The following SCAF4 variants were observed in gnomAD, a reference collection of about 807,000 sequenced individuals.
The protein encoded by SCAF4 is SR-related and CTD-associated factor 4.
In SCAF4, 25 loss-of-function variants were observed where a neutral mutation model predicts 129.8. The observed-to-expected ratio is 0.19, with a 90% confidence interval of 0.14 to 0.27. SCAF4 has a LOEUF of 0.27. Ranked by LOEUF, SCAF4 falls within the 10% of genes least tolerant of loss-of-function variation. The pLI, the probability that SCAF4 is intolerant of heterozygous loss-of-function variation, is 1.00. For missense variants in SCAF4, 1,246 were observed against 1,457.1 expected (o/e 0.86, Z 2.36); for synonymous variants, 551 against 497.7 (o/e 1.11, Z -1.43).
intron 1 of SCAF4, among the ~76,000 whole-genome samples, chr21:31,714,102 T>C (rs2050869095): frequency 6.6e-6 from 1 of 152,100 alleles, no homozygotes. Flanking sequence ...AGCCATAATG[T>C]CCTCATTTGT....
At chr21:31,681,796 G>A (rs923560073) in intron 19 of SCAF4, among the ~76,000 whole-genome samples, 8 of 152,176 alleles carry the variant, frequency 5.3e-5, no homozygotes, top group Non-Finnish European at 1.0e-4. Flanking sequence ...ACTAACACCC[G>A]CACTTAAGTC....
intron 3 of SCAF4, among the ~76,000 whole-genome samples, 176 bp downstream of exon 3, chr21:31,705,247 T>A (rs775753099): frequency 6.6e-6 from 1 of 152,206 alleles, no homozygotes; most frequent in Non-Finnish European, 1.5e-5. Flanking sequence ...GTAAGTTAAG[T>A]ACCAATTAAT....
chr21:31,691,807 A>G lies in SCAF4; in HGVS notation c.1728+10T>C. ...AAAAAAAAAATTAATTATAACATGT[A>G]AGACTGTACCTTTATGGATTTCTGG... On this transcript the variant is annotated intron_variant, in intron 14 of 19. Transcript: ENST00000286835. 1.3e-6 allele frequency: 2 copies of G among 1,486,112 alleles called. No homozygotes were observed. Among genetic ancestry groups the G allele is most frequent in the South Asian group, 2.4e-5 (2 of 82,158 alleles). The allele number at this position is 1,486,112 out of a possible 1,614,324, so 92.1% of individuals were successfully genotyped here.
In SCAF4 at chr21:31,694,306, C is replaced by G. The variant is rs146535026; in HGVS notation, c.1237-17G>C. On this transcript the variant is annotated splice_polypyrimidine_tract_variant and intron_variant, in intron 10 of 19. Coordinates refer to ENST00000286835, the MANE Select transcript of SCAF4 (RefSeq NM_020706.2). Reference sequence around the variant, plus strand: ...TTCCATTTCCTTAAAAAACAAAAACCATGATAAAATGAGAAATTTAAAAAG... The same window carrying G: ...TTCCATTTCCTTAAAAAACAAAAACGATGATAAAATGAGAAATTTAAAAAG... The G allele has an allele frequency of 1.1e-5, 17 of 1,486,846 alleles. No homozygotes were observed. In the African/African-American group the frequency reaches 1.5e-4, roughly 13 times the overall value. The allele number at this position is 1,486,846 out of a possible 1,614,324, so 92.1% of individuals were successfully genotyped here.
chr21:31,690,067 A>G (rs781246458), intron 15 of SCAF4, among the ~76,000 whole-genome samples: 8 of 152,160 alleles, frequency 5.3e-5, no homozygotes, highest in Non-Finnish European at 7.3e-5. Context: ...CTCACTGTCA[A>G]TCTGGCATTT....
At chr21:31,721,442 T>G (rs989522987) in intron 1 of SCAF4, among the ~76,000 whole-genome samples, 1 of 152,216 alleles carries the variant, frequency 6.6e-6, no homozygotes, top group Non-Finnish European at 1.5e-5. Flanking sequence ...AGGTTTCCTT[T>G]AAGCAGGGTA....
chr21:31,701,685 T>C, intron 6 of SCAF4, 91 bp downstream of exon 6: 1 of 1,361,478 alleles, frequency 7.3e-7, no homozygotes. Context: ...ATTTTCTCCT[T>C]TCAATGTGCT....
At chr21:31,695,594 C>T (rs1008979460) in intron 9 of SCAF4, among the ~76,000 whole-genome samples, 2 of 152,102 alleles carry the variant, frequency 1.3e-5, no homozygotes, top group African/African-American at 4.8e-5. Flanking sequence ...CTTGAAATAA[C>T]AAAAATGCTT....
intron 1 of SCAF4, among the ~76,000 whole-genome samples, chr21:31,725,061 A>G (rs1331559467): frequency 6.6e-6 from 1 of 152,218 alleles, no homozygotes; most frequent in Non-Finnish European, 1.5e-5. Flanking sequence ...AAAACACTGT[A>G]TAACCAACTT....
At chr21:31,700,750 T>TC (rs2050507291) in intron 7 of SCAF4, 2 of 411,078 alleles carry the variant, frequency 4.9e-6, no homozygotes, top group Admixed American at 4.2e-5. Flanking sequence ...TCTTTTTTTT[T>TC]TTTTTTTCAC....
At position 31,732,036 on chromosome 21, in the gene SCAF4, G is replaced by A. The variant is rs1192529833; in HGVS notation, c.-344C>T. 1.4e-5 allele frequency: 6 copies of A among 432,590 alleles called. No homozygotes were observed. The highest frequency in any genetic ancestry group is 2.4e-5 in the Non-Finnish European group (6 of 248,502). 26.8% of individuals were successfully genotyped at this position (432,590 alleles called of 1,614,324 possible). A position where few individuals can be genotyped will look rare whatever the true frequency, so the allele number is the denominator to read the frequency against. ...TCACGCACTGGCTCACACTGGCCCG[G>A]CCGGCGAGCGGGCGGGCCTCTCTCT... On this transcript the variant is annotated 5_prime_UTR_variant, in exon 1 of 20. Transcript: ENST00000286835.
intron 1 of SCAF4, among the ~76,000 whole-genome samples, chr21:31,714,821 C>T (rs902297304): frequency 6.6e-6 from 1 of 152,202 alleles, no homozygotes; most frequent in Non-Finnish European, 1.5e-5. Flanking sequence ...GTATGTAAAT[C>T]TCTTAGCCCA....
intron 19 of SCAF4, among the ~76,000 whole-genome samples, chr21:31,679,668 A>G (rs2049950428): frequency 6.6e-6 from 1 of 152,180 alleles, no homozygotes; most frequent in African/African-American, 2.4e-5. Flanking sequence ...ATAATATATA[A>G]TGCAGATATA....
At chr21:31,715,029 C>T (rs965639511) in intron 1 of SCAF4, among the ~76,000 whole-genome samples, 18 of 152,156 alleles carry the variant, frequency 1.2e-4, no homozygotes, top group Non-Finnish European at 2.1e-4. Flanking sequence ...TATTAGTTTC[C>T]TATTTCTGTA....
Position 31,671,156 on chromosome 21 carries a change from C to G in SCAF4, c.*243G>C. On this transcript the variant is annotated 3_prime_UTR_variant, in exon 20 of 20. Transcript: ENST00000286835. ...AGCACTTCTAATTACGATTTGTAAA[C>G]TTTTTAAAGTCAAAACTTTTAAAAA... 3.2e-6 allele frequency: 1 copy of G among 314,198 alleles called. No homozygotes were observed. Among genetic ancestry groups the G allele is most frequent in the Non-Finnish European group, 5.7e-6 (1 of 175,054 alleles). The allele number at this position is 314,198 out of a possible 1,614,324, so 19.5% of individuals were successfully genotyped here.
At chr21:31,731,540 G>A in intron 1 of SCAF4, 123 bp downstream of exon 1, 5 of 1,194,230 alleles carry the variant, frequency 4.2e-6, no homozygotes, top group South Asian at 2.7e-5. Context: ...AGGCCCCGCC[G>A]CCCCGGAACC....
intron 7 of SCAF4, among the ~76,000 whole-genome samples, chr21:31,699,052 G>A (rs1314981518): frequency 6.6e-6 from 1 of 152,070 alleles, no homozygotes; most frequent in Non-Finnish European, 1.5e-5. Flanking sequence ...GAAGTGGGAG[G>A]GGGAGAGACG....
intron 1 of SCAF4, among the ~76,000 whole-genome samples, chr21:31,708,227 T>C (rs1367692557): frequency 6.6e-6 from 1 of 151,602 alleles, no homozygotes; most frequent in Non-Finnish European, 1.5e-5. Context: ...ATCTCTACTA[T>C]AAATACAAAA....
intron 12 of SCAF4, 103 bp downstream of exon 12, chr21:31,693,191 A>C: frequency 1.2e-6 from 1 of 805,776 alleles, no homozygotes; most frequent in Non-Finnish European, 1.8e-6. Flanking sequence ...AAATCAACAC[A>C]GTGGTAACAT....
Sources: gnomAD v4.1 joint callset for allele counts (sites outside exome capture counted in the v4.1 genomes callset) on GRCh38, gnomAD v4.1.1 for gene constraint, MANE v1.5 for transcripts, NCBI Gene and HGNC (gene_info 2026-07-23, HGNC 2026-07-21) for gene names.